The following NIBAN3 variants were observed in gnomAD, a reference collection of about 807,000 sequenced individuals.
The protein encoded by NIBAN3 is niban apoptosis regulator 3.
A neutral mutation model predicts 76.4 loss-of-function variants in NIBAN3; 66 were observed. That is an observed-to-expected ratio of 0.86 (90% CI 0.71 to 1.06). The LOEUF is 1.06. Ranked by LOEUF, NIBAN3 falls within the 50% of genes least tolerant of loss-of-function variation. The pLI is 0.00. For missense variants in NIBAN3, 808 were observed against 810.7 expected (o/e 1.00, Z 0.04); for synonymous variants, 360 against 355.2 (o/e 1.01, Z -0.15).
upstream of NIBAN3, among the ~76,000 whole-genome samples, chr19:17,526,569 G>T (rs1291917269): frequency 6.6e-6 from 1 of 151,366 alleles, no homozygotes; most frequent in Admixed American, 6.6e-5. Flanking sequence ...GGTCACTTGA[G>T]CACAGGAGTT....
upstream of NIBAN3, among the ~76,000 whole-genome samples, chr19:17,523,799 G>A (rs549726255): frequency 3.9e-5 from 6 of 152,270 alleles, no homozygotes; most frequent in East Asian, 7.7e-4. Context: ...CCTGGAGCCC[G>A]CTGAGCACAT....
intron 1 of NIBAN3, 45 bp downstream of exon 1, chr19:17,527,440 G>C (rs778743860): frequency 1.4e-6 from 2 of 1,473,264 alleles, no homozygotes; most frequent in African/African-American, 2.8e-5. Flanking sequence ...AGGTGGGTGG[G>C]GGCTCCAGCC....
chr19:17,530,753 A>T lies in NIBAN3; in HGVS notation c.56-2A>T. ...GGGTTCACTGTCCCCTTGTCCCTGC[A>T]GGTCAGGTGGACACCCTGCTGAGGA... On this transcript the variant is annotated splice_acceptor_variant, in intron 1 of 14. Coordinates refer to ENST00000599164, the MANE Select transcript of NIBAN3 (RefSeq NM_001321827.2). LOFTEE classifies it high-confidence loss of function. 6.2e-7 allele frequency: 1 copy of T among 1,605,108 alleles called. No homozygotes were observed. The highest frequency in any genetic ancestry group is 8.5e-7 in the Non-Finnish European group (1 of 1,174,140).
intron 1 of NIBAN3, among the ~76,000 whole-genome samples, chr19:17,530,332 AAAACAAAAC>A (rs2075694479): frequency 6.6e-6 from 1 of 151,352 alleles, no homozygotes; most frequent in African/African-American, 2.4e-5. Context: ...CAAAAAACAA[AAAACAAAAC>A]AAAACAAAAC....
chr19:17,548,255 C>A (rs962415690), intron 13 of NIBAN3, among the ~76,000 whole-genome samples: 2 of 152,140 alleles, frequency 1.3e-5, no homozygotes, highest in South Asian at 4.1e-4. Context: ...CACAAGGGCA[C>A]GGAGCGGGAG....
rs181005881 is a variant in NIBAN3, at chr19:17,550,326, C to T, written c.1750+799C>T. ...TCCTAGCTGATCTGGGACAGAGAAA[C>T]TGATCAATATTTACACTAACTTGGA... On this transcript the variant is annotated intron_variant, in intron 14 of 14. Transcript: ENST00000599164. Among the ~76,000 whole-genome samples the T allele has an allele frequency of 3.9e-5, 6 of 152,250 alleles. No homozygotes were observed. The East Asian group carries it at 1.2e-3, about 29-fold the overall frequency.
chr19:17,555,065 G>A (rs1396391702), downstream of NIBAN3, among the ~76,000 whole-genome samples: 1 of 152,000 alleles, frequency 6.6e-6, no homozygotes, highest in African/African-American at 2.4e-5. Context: ...TGCCCAGAAC[G>A]GTCCATTATC....
intron 9 of NIBAN3, among the ~76,000 whole-genome samples, chr19:17,541,928 C>G (rs563987520): frequency 6.6e-6 from 1 of 152,220 alleles, no homozygotes; most frequent in Non-Finnish European, 1.5e-5. Context: ...AAGTGATCCA[C>G]CCACCTCGGC....
downstream of NIBAN3, chr19:17,553,917 C>CTGGAA (rs2076193174): frequency 6.1e-6 from 1 of 164,662 alleles, no homozygotes; most frequent in African/African-American, 2.5e-5. Context: ...GTCACCCAGG[C>CTGGAA]TGGAATGCAG....
In NIBAN3 at chr19:17,532,349, G is replaced by C; in HGVS notation, c.273G>C (p.Leu91=). 2 of 1,614,182 alleles carry C rather than the reference G, an allele frequency of 1.2e-6. No individual in the cohort carries two copies. Among genetic ancestry groups the C allele is most frequent in the Non-Finnish European group, 1.7e-6 (2 of 1,180,034 alleles). The change falls in exon 3 of 15, where the codon CTG becomes CTC. Residue 91 remains leucine, a synonymous_variant. Coordinates refer to ENST00000599164, the MANE Select transcript of NIBAN3 (RefSeq NM_001321827.2). ...GGTGGCAGCCGATCTTCTGTGTTCTGCGTGGGGACGGCCGCCTAGAGTGGT... is the reference window on the plus strand; with the variant it reads ...GGTGGCAGCCGATCTTCTGTGTTCTCCGTGGGGACGGCCGCCTAGAGTGGT... ...PPRWQPIFCV[L]RGDGRLEWFS...
rs750434665 is a variant in NIBAN3, at chr19:17,539,379, TC to T, written c.747del (p.Ala250ArgfsTer25). On this transcript the variant is annotated frameshift_variant, in exon 7 of 15. Transcript: ENST00000599164. LOFTEE classifies it high-confidence loss of function. ...CCGCGGTGCTGATGCGGGAGCAACT[TC>T]CCGCGCTGCGAGCCCAGACCCTTCC... ...LTAVLMREQL[P>X]ALRAQTLPGL... is the part of the protein sequence containing the mutation. The T allele has an allele frequency of 2.6e-6, 4 of 1,541,696 alleles. No individual in the cohort carries two copies. The African/African-American group carries it at 5.5e-5, about 21-fold the overall frequency.
At chr19:17,536,696 C>T (rs747021403) in intron 4 of NIBAN3, among the ~76,000 whole-genome samples, 3 of 152,194 alleles carry the variant, frequency 2.0e-5, no homozygotes, top group Non-Finnish European at 2.9e-5. Context: ...TGAGCCACCG[C>T]GGCTGGTCCC....
chr19:17,527,564 T>C (rs773227883), intron 1 of NIBAN3, among the ~76,000 whole-genome samples, 169 bp downstream of exon 1: 6 of 152,166 alleles, frequency 3.9e-5, no homozygotes, highest in Non-Finnish European at 8.8e-5. Context: ...TTTTTTATTG[T>C]TGAGACAGGA....
chr19:17,553,871 CTTTTTTTTT>C, downstream of NIBAN3: 1 of 140,884 alleles, frequency 7.1e-6, no homozygotes, highest in East Asian at 2.0e-4. Flanking sequence ...TTGTTTTTAC[CTTTTTTTTT>C]TTTTTTTTGA....
intron 3 of NIBAN3, among the ~76,000 whole-genome samples, chr19:17,532,785 AG>A (rs2075753579): frequency 6.6e-6 from 1 of 151,962 alleles, no homozygotes; most frequent in Admixed American, 6.6e-5. Context: ...GTTCAACAAG[AG>A]GGTCCTCAGA....
intron 4 of NIBAN3, among the ~76,000 whole-genome samples, chr19:17,535,107 T>A (rs981265300): frequency 1.3e-4 from 20 of 152,200 alleles, no homozygotes; most frequent in African/African-American, 4.6e-4. Flanking sequence ...TACCCATCTC[T>A]TGAGGGTTGA....
intron 4 of NIBAN3, among the ~76,000 whole-genome samples, chr19:17,536,185 TC>T (rs1254254311): frequency 6.6e-6 from 1 of 152,152 alleles, no homozygotes; most frequent in Admixed American, 6.6e-5. Flanking sequence ...CCTTTTCTTT[TC>T]TTCTTCTTTT....
In NIBAN3 at chr19:17,542,123, T is replaced by G. The variant is rs777022958; in HGVS notation, c.1171-13T>G. On this transcript the variant is annotated splice_polypyrimidine_tract_variant and intron_variant, in intron 9 of 14. Coordinates refer to ENST00000599164, the MANE Select transcript of NIBAN3 (RefSeq NM_001321827.2). This position sits in a 1 kb window ranked among gnomAD's most constrained non-coding sequence, Gnocchi z 4.8. ...ACAGCATTTTTCCCCCAAAACTGCT[T>G]CCGGGAGCACAGGTTTACTCATTTG... 5 of 1,614,002 alleles carry G rather than the reference T, an allele frequency of 3.1e-6. No individual in the cohort carries two copies. In the African/African-American group the frequency reaches 4.0e-5, roughly 13 times the overall value.
At chr19:17,551,689 C>G in intron 14 of NIBAN3, 97 bp from the exon 15 acceptor site, 1 of 595,582 alleles carries the variant, frequency 1.7e-6, no homozygotes, top group Non-Finnish European at 3.1e-6. Flanking sequence ...TTGCGCCCAG[C>G]CAACATCTCT....
Sources: gnomAD v4.1 joint callset for allele counts (sites outside exome capture counted in the v4.1 genomes callset) on GRCh38, gnomAD v4.1.1 for gene constraint, Gnocchi (gnomAD v3.1) non-coding constraint, MANE v1.5 for transcripts, NCBI Gene and HGNC (gene_info 2026-07-23, HGNC 2026-07-21) for gene names.